Variants in PKNOX2 observed in about 807,000 individuals in gnomAD.
The protein encoded by PKNOX2 is PBX/knotted 1 homeobox 2, also known as homeobox protein PKNOX2.
A neutral mutation model predicts 53.1 loss-of-function variants in PKNOX2; 14 were observed. The observed-to-expected ratio is 0.26, with a 90% CI of 0.17 to 0.41. PKNOX2 has a LOEUF of 0.41. PKNOX2 is among the 10% of genes least tolerant of loss of function. The pLI, the probability that PKNOX2 is intolerant of heterozygous loss-of-function variation, is 1.00. For synonymous variants in PKNOX2, 257 were observed against 242.8 expected (o/e 1.06, Z -0.54); for missense variants, 496 against 602.8 (o/e 0.82, Z 1.85).
At position 125,345,887 on chromosome 11, in the gene PKNOX2, GGTTAT is replaced by G. The variant is rs1311377458; in HGVS notation, c.-22-5396_-22-5392del. On this transcript the variant is annotated intron_variant, in intron 3 of 12. Transcript: ENST00000298282. ...GACTGATTACATGATTTAGTAAACA[GGTTAT>G]ATTATATAATGCAATTAAAGCGGGC... is the stretch of plus-strand genomic sequence containing the variant. Among the ~76,000 whole-genome samples, 6 of 152,306 alleles carry G rather than the reference GGTTAT, an allele frequency of 3.9e-5. No homozygotes were observed. The South Asian group carries it at 1.2e-3, about 32-fold the overall frequency.
intron 2 of PKNOX2, among the ~76,000 whole-genome samples, chr11:125,306,907 G>A (rs925163401): frequency 6.6e-6 from 1 of 152,194 alleles, no homozygotes; most frequent in East Asian, 1.9e-4. Flanking sequence ...CTGAGAGAAT[G>A]GATTTAAGGC....
intron 4 of PKNOX2, among the ~76,000 whole-genome samples, chr11:125,358,441 T>C (rs1951741532): frequency 6.6e-6 from 1 of 152,246 alleles, no homozygotes; most frequent in Non-Finnish European, 1.5e-5. Flanking sequence ...ACAGCTTTCC[T>C]CTTCTTGGCC....
intron 1 of PKNOX2, among the ~76,000 whole-genome samples, chr11:125,178,997 T>TG (rs1211585217): frequency 2.0e-5 from 3 of 151,700 alleles, no homozygotes; most frequent in African/African-American, 7.3e-5. Flanking sequence ...ATGGCGCAGG[T>TG]CCTTCCCCTT....
chr11:125,178,645 A>AGAAGGAAAGAAAGAAAGAAAGAAG (rs1955917029), intron 1 of PKNOX2, among the ~76,000 whole-genome samples: 1 of 28,566 alleles, frequency 3.5e-5, no homozygotes, highest in East Asian at 1.4e-3. Context: ...AAAGAAAGAA[A>AGAAGGAAAGAAAGAAAGAAAGAAG]GAAGGAAGGA....
intron 10 of PKNOX2, among the ~76,000 whole-genome samples, chr11:125,419,809 T>A (rs1956076589): frequency 6.6e-6 from 1 of 150,660 alleles, no homozygotes; most frequent in Admixed American, 6.6e-5. Context: ...GGCGGGAGGA[T>A]TGCTTGAGCC....
intron 5 of PKNOX2, among the ~76,000 whole-genome samples, chr11:125,382,140 T>C (rs944365525): frequency 6.6e-6 from 1 of 152,200 alleles, no homozygotes; most frequent in African/African-American, 2.4e-5. Context: ...ACAGAGAACA[T>C]GCACACTGTG....
chr11:125,369,532 C>A (rs1952407973), intron 5 of PKNOX2, among the ~76,000 whole-genome samples: 1 of 152,210 alleles, frequency 6.6e-6, no homozygotes, highest in African/African-American at 2.4e-5. Flanking sequence ...TCTCTTCCCT[C>A]CATCTCTCCA....
At chr11:125,361,056 A>G (rs1019960516) in intron 4 of PKNOX2, among the ~76,000 whole-genome samples, 1 of 152,176 alleles carries the variant, frequency 6.6e-6, no homozygotes, top group Non-Finnish European at 1.5e-5. Flanking sequence ...CTCTTTTGTG[A>G]CCTGAGGATT....
intron 1 of PKNOX2, among the ~76,000 whole-genome samples, chr11:125,178,195 C>A (rs527478953): frequency 6.6e-6 from 1 of 152,174 alleles, no homozygotes; most frequent in East Asian, 1.9e-4. Flanking sequence ...CCTAAGGCCA[C>A]ACAGGAAATC....
intron 1 of PKNOX2, among the ~76,000 whole-genome samples, chr11:125,204,851 G>A (rs1007359398): frequency 6.6e-6 from 1 of 152,134 alleles, no homozygotes; most frequent in Non-Finnish European, 1.5e-5. Flanking sequence ...GGGTATACCT[G>A]TTCTTGGTGC....
chr11:125,391,973 T>C (rs1954076078), intron 6 of PKNOX2, among the ~76,000 whole-genome samples: 1 of 152,214 alleles, frequency 6.6e-6, no homozygotes, highest in South Asian at 2.1e-4. Context: ...ATTTTCTAAC[T>C]TGGAGACAAA....
At chr11:125,269,865 T>G (rs1026536050) in intron 2 of PKNOX2, among the ~76,000 whole-genome samples, 7 of 152,158 alleles carry the variant, frequency 4.6e-5, no homozygotes, top group Non-Finnish European at 1.0e-4. Flanking sequence ...AGGATTGGCT[T>G]GGGGCACAGT....
chr11:125,418,466 A>C (rs995834179), intron 10 of PKNOX2, among the ~76,000 whole-genome samples: 1 of 151,944 alleles, frequency 6.6e-6, no homozygotes, highest in Non-Finnish European at 1.5e-5. Context: ...ATGCCCAGCT[A>C]TCCTTCCCCC....
intron 7 of PKNOX2, among the ~76,000 whole-genome samples, chr11:125,409,695 G>A (rs1442219450): frequency 2.0e-5 from 3 of 152,194 alleles, no homozygotes; most frequent in Non-Finnish European, 4.4e-5. Flanking sequence ...GACAAGCGTC[G>A]CTGAAGGATG....
Position 125,165,201 on chromosome 11 carries a change from A to T in PKNOX2, c.-201+425A>T, listed in dbSNP as rs889549644. On this transcript the variant is annotated intron_variant, in intron 1 of 12. Transcript: ENST00000298282. The surrounding 1 kb of genome is among the most constrained non-coding windows in gnomAD (Gnocchi z 4.5). ...CGCTTGGGCCCGTGGCCGGCCGCGC[A>T]TTGTCCTCGGGTGCAAGGAGCCGGG... Among the ~76,000 whole-genome samples, 1 of 150,958 alleles carries T rather than the reference A, an allele frequency of 6.6e-6. No individual in the cohort carries two copies. Among genetic ancestry groups the T allele is most frequent in the Non-Finnish European group, 1.5e-5 (1 of 67,724 alleles).
chr11:125,395,743 C>T (rs188906070), intron 6 of PKNOX2, among the ~76,000 whole-genome samples: 1 of 152,226 alleles, frequency 6.6e-6, no homozygotes, highest in Non-Finnish European at 1.5e-5. Flanking sequence ...AATGTCTAAT[C>T]ATGTCTTATG....
At chr11:125,291,824 AT>A (rs1190684481) in intron 2 of PKNOX2, among the ~76,000 whole-genome samples, 1 of 152,224 alleles carries the variant, frequency 6.6e-6, no homozygotes, top group African/African-American at 2.4e-5. Flanking sequence ...AAGGACAAAT[AT>A]TGTATGATTC....
intron 10 of PKNOX2, among the ~76,000 whole-genome samples, chr11:125,412,635 C>T (rs1218751872): frequency 4.6e-5 from 7 of 152,104 alleles, no homozygotes; most frequent in South Asian, 2.1e-4. Flanking sequence ...AGTGTGTATG[C>T]GCTGGTGTGT....
intron 2 of PKNOX2, among the ~76,000 whole-genome samples, chr11:125,271,452 C>A (rs1436187596): frequency 6.6e-6 from 1 of 152,232 alleles, no homozygotes; most frequent in Non-Finnish European, 1.5e-5. Flanking sequence ...CCATAATTTG[C>A]ACCGGGGTTT....
Sources: allele counts gnomAD v4.1 joint callset (sites outside exome capture counted in the v4.1 genomes callset), GRCh38; gene constraint gnomAD v4.1.1; non-coding constraint Gnocchi (gnomAD v3.1); transcripts MANE v1.5; gene names NCBI Gene and HGNC (gene_info 2026-07-23, HGNC 2026-07-21).